GRM7: variants seen among roughly 807,000 people sequenced by gnomAD.
GRM7 encodes glutamate metabotropic receptor 7.
A neutral mutation model predicts 84.5 loss-of-function variants in GRM7; 35 were observed. The observed-to-expected ratio is 0.41, with a 90% CI of 0.32 to 0.55. GRM7 has a LOEUF of 0.55. Ranked by LOEUF, GRM7 falls within the 20% of genes least tolerant of loss-of-function variation. GRM7 has a pLI of 0.19. For missense variants in GRM7, 1,003 were observed against 1,194.6 expected (o/e 0.84, Z 2.36); for synonymous variants, 487 against 455.1 (o/e 1.07, Z -0.89).
At chr3:7,119,357 A>T (rs1395434295) in intron 1 of GRM7, among the ~76,000 whole-genome samples, 5 of 152,094 alleles carry the variant, frequency 3.3e-5, no homozygotes, top group African/African-American at 1.2e-4. Context: ...CTCTACTGGA[A>T]ATTGTATACG....
chr3:6,916,827 G>A (rs1039194419), intron 1 of GRM7, among the ~76,000 whole-genome samples: 5 of 151,930 alleles, frequency 3.3e-5, no homozygotes, highest in African/African-American at 4.8e-5. Context: ...AACCTACTAT[G>A]TGTCTATACT....
intron 8 of GRM7, among the ~76,000 whole-genome samples, chr3:7,612,730 A>T (rs1696900070): frequency 6.6e-6 from 1 of 152,198 alleles, no homozygotes; most frequent in South Asian, 2.1e-4. Flanking sequence ...ATGGCCATCC[A>T]TATTTGTTAA....
chr3:7,206,164 C>A (rs1696232916), intron 2 of GRM7, among the ~76,000 whole-genome samples: 3 of 152,048 alleles, frequency 2.0e-5, no homozygotes, highest in Admixed American at 2.0e-4. Flanking sequence ...TTTTCACTGC[C>A]TGCTTCTGGC....
chr3:7,242,437 T>C (rs1421981665), intron 2 of GRM7, among the ~76,000 whole-genome samples: 1 of 152,212 alleles, frequency 6.6e-6, no homozygotes, highest in Admixed American at 6.5e-5. Context: ...GTGTAGTGCA[T>C]CTTGCTTTGA....
In GRM7 at chr3:6,984,241, T is replaced by C. The variant is rs1362360615; in HGVS notation, c.519+122334T>C. 2.0e-5 allele frequency among the ~76,000 whole-genome samples: 3 copies of C among 152,218 alleles called. No homozygotes were observed. The East Asian group carries it at 5.8e-4, about 29-fold the overall frequency. The stretch of plus-strand genomic sequence containing the variant: ...ATTAAGAAGATGAGCTGTAAAGTCA[T>C]GAGTTCAATGAATGTTGTATATTAT... On this transcript the variant is annotated intron_variant, in intron 1 of 9. Coordinates refer to ENST00000357716, the MANE Select transcript of GRM7 (RefSeq NM_000844.4).
chr3:6,952,972 G>T (rs1368870365), intron 1 of GRM7, among the ~76,000 whole-genome samples: 3 of 152,192 alleles, frequency 2.0e-5, no homozygotes, highest in African/African-American at 7.2e-5. Context: ...TACAACAACT[G>T]TTCTTAATGA....
chr3:7,005,587 T>G (rs1695154471), intron 1 of GRM7, among the ~76,000 whole-genome samples: 1 of 152,236 alleles, frequency 6.6e-6, no homozygotes, highest in African/African-American at 2.4e-5. Flanking sequence ...AGTGGGTTTC[T>G]AACTTGGCTC....
At chr3:7,338,890 T>C (rs775321572) in intron 4 of GRM7, among the ~76,000 whole-genome samples, 1 of 151,938 alleles carries the variant, frequency 6.6e-6, no homozygotes, top group Non-Finnish European at 1.5e-5. Context: ...ATGTAAATTC[T>C]GGGCTAGCTG....
intron 7 of GRM7, among the ~76,000 whole-genome samples, chr3:7,476,679 G>A (rs773787058): frequency 5.9e-5 from 9 of 152,164 alleles, no homozygotes; most frequent in Non-Finnish European, 1.2e-4. Context: ...ACTCTTCTAT[G>A]TCAAAACTTC....
At chr3:7,462,575 C>A (rs537477905) in intron 7 of GRM7, among the ~76,000 whole-genome samples, 3 of 152,306 alleles carry the variant, frequency 2.0e-5, no homozygotes, top group Non-Finnish European at 4.4e-5. Context: ...CCTTAGGAGG[C>A]ACTTTTGGAA....
chr3:7,335,576 A>G (rs1005035006), intron 4 of GRM7, among the ~76,000 whole-genome samples: 38 of 152,082 alleles, frequency 2.5e-4, no homozygotes, highest in African/African-American at 8.9e-4. Context: ...GAACTAAATG[A>G]AATTGAAACA....
At chr3:7,104,133 G>A (rs1329783244) in intron 1 of GRM7, among the ~76,000 whole-genome samples, 2 of 151,112 alleles carry the variant, frequency 1.3e-5, no homozygotes. Flanking sequence ...GAAGGTATGT[G>A]AGAAAATTTC....
intron 1 of GRM7, among the ~76,000 whole-genome samples, chr3:6,971,184 A>T (rs1232150763): frequency 6.6e-6 from 1 of 152,168 alleles, no homozygotes; most frequent in Non-Finnish European, 1.5e-5. Flanking sequence ...AAAAAAAAAA[A>T]AATTAAAAAT....
chr3:6,878,917 A>G (rs1281281426), intron 1 of GRM7, among the ~76,000 whole-genome samples: 1 of 152,290 alleles, frequency 6.6e-6, no homozygotes, highest in East Asian at 1.9e-4. Context: ...AGGTGCTGCT[A>G]TCACTGGTCC....
At chr3:6,986,840 C>T (rs1011727874) in intron 1 of GRM7, among the ~76,000 whole-genome samples, 5 of 152,158 alleles carry the variant, frequency 3.3e-5, no homozygotes, top group East Asian at 3.8e-4. Context: ...CCTCTGAGCA[C>T]GTGAGCTGCA....
At chr3:7,330,515 C>A (rs533563327) in intron 4 of GRM7, among the ~76,000 whole-genome samples, 1 of 152,094 alleles carries the variant, frequency 6.6e-6, no homozygotes, top group African/African-American at 2.4e-5. Context: ...GTAATTCCCA[C>A]ATGTTGTGTG....
At chr3:7,672,507 T>C (rs1699957836) in intron 8 of GRM7, among the ~76,000 whole-genome samples, 1 of 152,214 alleles carries the variant, frequency 6.6e-6, no homozygotes. Context: ...TAAAGCCTTT[T>C]TGTCTTAATT....
intron 9 of GRM7, among the ~76,000 whole-genome samples, chr3:7,695,334 G>GCACT (rs1462774347): frequency 6.6e-6 from 1 of 152,116 alleles, no homozygotes; most frequent in Non-Finnish European, 1.5e-5. Flanking sequence ...CCTTTTTTCT[G>GCACT]CACTCAGTCA....
At chr3:7,700,433 T>C (rs955272749) in intron 9 of GRM7, among the ~76,000 whole-genome samples, 3 of 152,202 alleles carry the variant, frequency 2.0e-5, no homozygotes, top group Admixed American at 1.3e-4. Context: ...TTAAAAAAGA[T>C]ACTCAAATAG....
Sources: gnomAD v4.1 joint callset for allele counts (sites outside exome capture counted in the v4.1 genomes callset) on GRCh38, gnomAD v4.1.1 for gene constraint, MANE v1.5 for transcripts, NCBI Gene and HGNC (gene_info 2026-07-23, HGNC 2026-07-21) for gene names.